Variants in AUTS2 observed in about 807,000 individuals in gnomAD.
AUTS2 encodes the protein activator of transcription and developmental regulator AUTS2.
A neutral mutation model predicts 112.4 loss-of-function variants in AUTS2; 17 were observed. The observed-to-expected ratio is 0.15, with a 90% confidence interval of 0.10 to 0.23. AUTS2 has a LOEUF of 0.23. AUTS2 is among the 10% of genes least tolerant of loss of function. The probability of loss-of-function intolerance (pLI) is 1.00; values close to 1 mark genes in which losing one functional copy is unlikely to be tolerated. For synonymous variants in AUTS2, 751 were observed against 702.7 expected, an observed-to-expected ratio of 1.07 and a Z score of -1.09; for missense variants, 1,510 against 1,701.6, an observed-to-expected ratio of 0.89 and a Z score of 1.98.
intron 5 of AUTS2, among the ~76,000 whole-genome samples, chr7:70,595,128 C>T (rs1803133900): frequency 6.6e-6 from 1 of 151,948 alleles, no homozygotes; most frequent in South Asian, 2.1e-4. Context: ...TTACCAGCTG[C>T]TTTGTGGTCA....
chr7:69,660,718 G>T (rs535462080), intron 1 of AUTS2, among the ~76,000 whole-genome samples: 1 of 152,158 alleles, frequency 6.6e-6, no homozygotes, highest in Non-Finnish European at 1.5e-5. Flanking sequence ...AGATCACGAG[G>T]TCAGGAGATC....
At chr7:70,787,537 C>T (rs530626678) in intron 18 of AUTS2, 106 bp downstream of exon 18, 85 of 783,788 alleles carry the variant, frequency 1.1e-4, no homozygotes, top group East Asian at 7.8e-4. Context: ...GTGCTTTAGC[C>T]GCCCCGGTAG....
chr7:70,649,796 G>A (rs1305901110), intron 5 of AUTS2, among the ~76,000 whole-genome samples: 1 of 152,004 alleles, frequency 6.6e-6, no homozygotes, highest in Non-Finnish European at 1.5e-5. Flanking sequence ...CAAAGTGCTG[G>A]GATTATAGGC....
At chr7:70,237,133 T>C (rs1421071432) in intron 4 of AUTS2, among the ~76,000 whole-genome samples, 1 of 152,186 alleles carries the variant, frequency 6.6e-6, no homozygotes, top group East Asian at 1.9e-4. Context: ...GCAGGGGACT[T>C]TCTTGTTCAC....
At chr7:70,678,258 C>T (rs907911857) in intron 5 of AUTS2, among the ~76,000 whole-genome samples, 1 of 152,006 alleles carries the variant, frequency 6.6e-6, no homozygotes, top group East Asian at 1.9e-4. Flanking sequence ...GAATGAATGG[C>T]TCTTACTTAT....
chr7:69,636,966 C>T (rs188412997), intron 1 of AUTS2, among the ~76,000 whole-genome samples: 4,271 of 152,138 alleles, frequency 0.028, 80 homozygotes, highest in South Asian at 0.045. Flanking sequence ...GGGGTTTCAC[C>T]GTGTTAGCCA....
chr7:70,559,085 G>A (rs545290733), intron 5 of AUTS2, among the ~76,000 whole-genome samples: 16 of 152,244 alleles, frequency 1.1e-4, no homozygotes, highest in African/African-American at 3.4e-4. Context: ...TAAGTCTCAC[G>A]AGATCTGATG....
chr7:70,495,326 C>T (rs1798412294), intron 5 of AUTS2, among the ~76,000 whole-genome samples: 1 of 150,994 alleles, frequency 6.6e-6, no homozygotes, highest in Non-Finnish European at 1.5e-5. Context: ...CCTTTTGGGG[C>T]TCACTGTTCA....
At chr7:70,142,750 G>T (rs1806932251) in intron 4 of AUTS2, among the ~76,000 whole-genome samples, 1 of 152,162 alleles carries the variant, frequency 6.6e-6, no homozygotes, top group Non-Finnish European at 1.5e-5. Flanking sequence ...GAATGGACAG[G>T]TCATTGCCAT....
At chr7:70,067,560 T>C (rs964724949) in intron 2 of AUTS2, among the ~76,000 whole-genome samples, 2 of 152,124 alleles carry the variant, frequency 1.3e-5, no homozygotes, top group Non-Finnish European at 2.9e-5. Flanking sequence ...TGAAGAAAAC[T>C]TCAGGCCAGG....
At chr7:69,688,255 G>T (rs1369957568) in intron 1 of AUTS2, among the ~76,000 whole-genome samples, 20 of 152,204 alleles carry the variant, frequency 1.3e-4, no homozygotes, top group Non-Finnish European at 1.5e-5. Context: ...CCCAGTCAGG[G>T]GAGCATGCTG....
chr7:69,601,590 T>C (rs952216293), intron 1 of AUTS2, among the ~76,000 whole-genome samples: 24 of 151,928 alleles, frequency 1.6e-4, no homozygotes, highest in African/African-American at 5.8e-4. Context: ...GTGGTGGTGA[T>C]GGTGATGTTG....
intron 3 of AUTS2, among the ~76,000 whole-genome samples, chr7:70,128,607 A>G (rs1806102844): frequency 1.3e-5 from 2 of 152,202 alleles, no homozygotes; most frequent in Admixed American, 1.3e-4. Flanking sequence ...GAGGGAAAGA[A>G]AAATGGCTTG....
At chr7:70,131,040 G>C (rs1806243710) in intron 3 of AUTS2, among the ~76,000 whole-genome samples, 1 of 152,128 alleles carries the variant, frequency 6.6e-6, no homozygotes, top group Admixed American at 6.6e-5. Flanking sequence ...TAACTTTCAA[G>C]TCTCAGTTTG....
chr7:69,897,254 A>G (rs1794787527), intron 1 of AUTS2, among the ~76,000 whole-genome samples: 1 of 152,220 alleles, frequency 6.6e-6, no homozygotes, highest in Admixed American at 6.5e-5. Flanking sequence ...AGGCCAAGGC[A>G]AATCAGTGTA....
chr7:70,655,272 T>G lies in AUTS2; in HGVS notation c.691-43297T>G, dbSNP rs367883578. On this transcript the variant is annotated intron_variant, in intron 5 of 18. Coordinates refer to ENST00000342771, the MANE Select transcript of AUTS2 (RefSeq NM_015570.4). ...CCAGTCCTTGAGCCAGTGTTCACCC[T>G]CACAGGAAGAGTGTTTCCCTGTTTT... is the stretch of plus-strand genomic sequence containing the variant. Among the ~76,000 whole-genome samples the G allele has an allele frequency of 9.8e-5, 15 of 152,338 alleles. No individual in the cohort carries two copies. In the East Asian group the frequency reaches 2.9e-3, roughly 29 times the overall value.
chr7:69,704,557 C>T (rs140602764), intron 1 of AUTS2, among the ~76,000 whole-genome samples: 1,840 of 152,230 alleles, frequency 0.012, 19 homozygotes, highest in Non-Finnish European at 0.018. Context: ...GCATGAGCCA[C>T]GGCACCCGGC....
intron 2 of AUTS2, among the ~76,000 whole-genome samples, chr7:70,033,963 G>T (rs923434090): frequency 1.3e-5 from 2 of 152,176 alleles, no homozygotes; most frequent in Admixed American, 6.6e-5. Flanking sequence ...AGAGGATTTT[G>T]AATATTCCCA....
At position 69,997,582 on chromosome 7, in the gene AUTS2, G is replaced by A. The variant is rs564128287; in HGVS notation, c.522+98084G>A. On this transcript the variant is annotated intron_variant, in intron 2 of 18. Transcript: ENST00000342771. ...AGCACCAGCATCTGCTTGCCTTCTC[G>A]TGAAGGCCTCAGGAAGTGTTTACTA... Among the ~76,000 whole-genome samples, 3 of 152,238 alleles carry A rather than the reference G, an allele frequency of 2.0e-5. No individual in the cohort carries two copies. In the South Asian group the frequency reaches 6.2e-4, roughly 32 times the overall value.
Sources: allele counts gnomAD v4.1 joint callset (sites outside exome capture counted in the v4.1 genomes callset), GRCh38; gene constraint gnomAD v4.1.1; transcripts MANE v1.5; gene names NCBI Gene and HGNC (gene_info 2026-07-23, HGNC 2026-07-21).